Variants in ST6GALNAC3 observed in about 807,000 individuals in gnomAD.
ST6GALNAC3 encodes ST6 N-acetylgalactosaminide alpha-2,6-sialyltransferase 3.
In ST6GALNAC3, 25 loss-of-function variants were observed where a neutral mutation model predicts 32.7. The ratio of observed to expected loss-of-function variants is 0.76; its 90% CI spans 0.56 to 1.07. The LOEUF is 1.07. ST6GALNAC3 is among the 50% of genes least tolerant of loss of function. ST6GALNAC3 has a pLI of 0.00. For synonymous variants in ST6GALNAC3, 129 were observed against 133.1 expected, an observed-to-expected ratio of 0.97 and a Z score of 0.21; for missense variants, 355 against 382.4, an observed-to-expected ratio of 0.93 and a Z score of 0.60.
chr1:76,213,557 G>T (rs567514946), intron 1 of ST6GALNAC3, among the ~76,000 whole-genome samples: 2 of 152,290 alleles, frequency 1.3e-5, no homozygotes, highest in Admixed American at 1.3e-4. Flanking sequence ...TGCAATCAAA[G>T]TACCTATGCC....
chr1:76,145,679 A>G (rs1023074816), intron 1 of ST6GALNAC3, among the ~76,000 whole-genome samples: 2 of 152,254 alleles, frequency 1.3e-5, no homozygotes, highest in African/African-American at 2.4e-5. Context: ...TTGTAATGAC[A>G]TCACAGAATT....
chr1:76,618,981 G>A (rs1163756219), intron 3 of ST6GALNAC3, among the ~76,000 whole-genome samples: 3 of 152,144 alleles, frequency 2.0e-5, no homozygotes, highest in Admixed American at 6.5e-5. Flanking sequence ...ACTGACACAA[G>A]AAGCTTGAAT....
intron 2 of ST6GALNAC3, among the ~76,000 whole-genome samples, chr1:76,357,130 C>CTTTTCTTTTTTTT (rs1553184100): frequency 9.0e-6 from 1 of 111,176 alleles, no homozygotes; most frequent in African/African-American, 3.4e-5. Flanking sequence ...TTTTCTTTTT[C>CTTTTCTTTTTTTT]TTTTTTTTTT....
At position 76,545,147 on chromosome 1, in the gene ST6GALNAC3, G is replaced by A. The variant is rs372391014; in HGVS notation, c.624-82305G>A. ...ACATCCAGCCTCGCCTCACCTCTTA[G>A]ATTTTCCAAGCTTAAAACACATCTG... On this transcript the variant is annotated intron_variant, in intron 3 of 4. Coordinates refer to ENST00000328299, the MANE Select transcript of ST6GALNAC3 (RefSeq NM_152996.4). Among the ~76,000 whole-genome samples, 6 of 152,112 alleles carry A rather than the reference G, an allele frequency of 3.9e-5. No homozygotes were observed. The South Asian group carries it at 1.0e-3, about 26-fold the overall frequency.
chr1:76,630,844 C>T lies in ST6GALNAC3; in HGVS notation c.*2038C>T. 2 of 985,446 alleles carry T rather than the reference C, an allele frequency of 2.0e-6. No individual in the cohort carries two copies. Among genetic ancestry groups the T allele is most frequent in the South Asian group, 9.4e-5 (2 of 21,274 alleles). The allele number at this position is 985,446 out of a possible 1,614,324, so 61.0% of individuals were successfully genotyped here. On this transcript the variant is annotated 3_prime_UTR_variant, in exon 5 of 5. Coordinates refer to ENST00000328299, the MANE Select transcript of ST6GALNAC3 (RefSeq NM_152996.4). ...TTTGAGCTAATGATAGATAGAAATG[C>T]CCACTCAAAGAAAAATAAACAGAGA...
At chr1:76,540,588 G>A (rs1382331567) in intron 3 of ST6GALNAC3, among the ~76,000 whole-genome samples, 1 of 152,112 alleles carries the variant, frequency 6.6e-6, no homozygotes, top group Non-Finnish European at 1.5e-5. Flanking sequence ...TTCTAATAAT[G>A]TTATTCTGTG....
chr1:76,552,202 A>G (rs918616134), intron 3 of ST6GALNAC3, among the ~76,000 whole-genome samples: 1 of 152,056 alleles, frequency 6.6e-6, no homozygotes, highest in Non-Finnish European at 1.5e-5. Flanking sequence ...GCAGCTCCCT[A>G]TGTTAGTCTC....
intron 1 of ST6GALNAC3, among the ~76,000 whole-genome samples, chr1:76,090,860 TA>T (rs1261623710): frequency 1.3e-5 from 2 of 152,238 alleles, no homozygotes; most frequent in Non-Finnish European, 2.9e-5. Flanking sequence ...GAGACATTTT[TA>T]GCACAAAACT....
chr1:76,366,085 T>C (rs942695984), intron 2 of ST6GALNAC3, among the ~76,000 whole-genome samples: 4 of 152,218 alleles, frequency 2.6e-5, no homozygotes, highest in Non-Finnish European at 5.9e-5. Context: ...AAGACTGAGT[T>C]CTTGAATTCT....
chr1:76,380,937 A>T (rs756779711), intron 2 of ST6GALNAC3, among the ~76,000 whole-genome samples: 6 of 152,320 alleles, frequency 3.9e-5, no homozygotes, highest in Non-Finnish European at 8.8e-5. Flanking sequence ...TTTCATTTTA[A>T]GAGATGCAGT....
chr1:76,440,039 C>T (rs958112707), intron 3 of ST6GALNAC3, among the ~76,000 whole-genome samples: 2 of 152,146 alleles, frequency 1.3e-5, no homozygotes, highest in Non-Finnish European at 2.9e-5. Context: ...TATGTTCAAA[C>T]AGACCCTGAC....
rs761225146 is a variant in ST6GALNAC3 at position 76,103,347 on chromosome 1, C to A, written c.18+28463C>A. On this transcript the variant is annotated intron_variant, in intron 1 of 4. Transcript: ENST00000328299. ...GGGCTATAGTTACATATGTGTTATA[C>A]CTCCTCACTGTATCCTGTAGTGTCT... is the stretch of plus-strand genomic sequence containing the variant. Among the ~76,000 whole-genome samples the A allele has an allele frequency of 7.3e-4, 111 of 152,118 alleles. 2 individuals are homozygous for A. Among genetic ancestry groups the A allele is most frequent in the Middle Eastern group, 3.4e-3 (1 of 294 alleles).
intron 3 of ST6GALNAC3, among the ~76,000 whole-genome samples, chr1:76,540,696 G>A (rs1173676319): frequency 6.6e-6 from 1 of 152,080 alleles, no homozygotes; most frequent in East Asian, 1.9e-4. Flanking sequence ...AACACCCATG[G>A]AGTGTTGCCA....
At chr1:76,384,004 A>G (rs1651912673) in intron 2 of ST6GALNAC3, among the ~76,000 whole-genome samples, 1 of 152,172 alleles carries the variant, frequency 6.6e-6, no homozygotes, top group Non-Finnish European at 1.5e-5. Flanking sequence ...CAAAGAACAA[A>G]TGAAATAGAG....
chr1:76,276,289 G>C (rs1172251316), intron 1 of ST6GALNAC3, among the ~76,000 whole-genome samples: 4 of 151,832 alleles, frequency 2.6e-5, no homozygotes, highest in Non-Finnish European at 5.9e-5. Context: ...TATATCCCCT[G>C]ACAGGGGCAA....
chr1:76,393,113 C>T (rs1164483020), intron 2 of ST6GALNAC3, among the ~76,000 whole-genome samples: 3 of 152,186 alleles, frequency 2.0e-5, no homozygotes, highest in Non-Finnish European at 4.4e-5. Context: ...TCCTAACACC[C>T]AGAGAGGAAA....
At chr1:76,135,761 A>G (rs1303292643) in intron 1 of ST6GALNAC3, among the ~76,000 whole-genome samples, 1 of 152,136 alleles carries the variant, frequency 6.6e-6, no homozygotes, top group Non-Finnish European at 1.5e-5. Context: ...AATTCAGCAC[A>G]CAGACATCAG....
At chr1:76,466,473 A>G (rs1312640637) in intron 3 of ST6GALNAC3, among the ~76,000 whole-genome samples, 1 of 152,104 alleles carries the variant, frequency 6.6e-6, no homozygotes, top group Non-Finnish European at 1.5e-5. Context: ...CTGTCAAATT[A>G]GAAAGCATTT....
intron 1 of ST6GALNAC3, among the ~76,000 whole-genome samples, chr1:76,228,707 G>A (rs1393509266): frequency 2.6e-5 from 4 of 152,122 alleles, no homozygotes; most frequent in East Asian, 1.9e-4. Context: ...AAATGTTATC[G>A]CTGTAAATGA....
Sources: gnomAD v4.1 joint callset for allele counts (sites outside exome capture counted in the v4.1 genomes callset) on GRCh38, gnomAD v4.1.1 for gene constraint, MANE v1.5 for transcripts, NCBI Gene and HGNC (gene_info 2026-07-23, HGNC 2026-07-21) for gene names.